SYNDIG1L: variants seen among roughly 807,000 people sequenced by gnomAD.
The protein encoded by SYNDIG1L is synapse differentiation inducing 1 like.
Under a neutral mutation model 20.1 loss-of-function variants are expected in SYNDIG1L, and 13 were observed. That is an observed-to-expected ratio of 0.65 (90% confidence interval 0.42 to 1.03). The LOEUF (loss-of-function observed/expected upper bound fraction) is 1.03. SYNDIG1L is among the 50% of genes least tolerant of loss of function. SYNDIG1L has a pLI of 0.00. For synonymous variants in SYNDIG1L, 128 were observed against 129.3 expected, an observed-to-expected ratio of 0.99 and a Z score of 0.07; for missense variants, 294 against 305.1, an observed-to-expected ratio of 0.96 and a Z score of 0.27.
the SYNDIG1L span, among the ~76,000 whole-genome samples, chr14:74,473,750 G>A: frequency 1.3e-5 from 2 of 152,320 alleles, no homozygotes; most frequent in South Asian, 2.1e-4. Context: ...TGCTCAGTAA[G>A]TATTGGTTGA....
the SYNDIG1L span, among the ~76,000 whole-genome samples, chr14:74,435,082 C>CAAAAAAAAAAAAAAA: frequency 1.8e-5 from 1 of 54,974 alleles, no homozygotes; most frequent in African/African-American, 7.1e-5. Flanking sequence ...GACTCCGTCT[C>CAAAAAAAAAAAAAAA]AAAAAAAAAA....
chr14:74,451,276 G>A, the SYNDIG1L span, among the ~76,000 whole-genome samples: 2 of 152,218 alleles, frequency 1.3e-5, no homozygotes, highest in Non-Finnish European at 2.9e-5. Flanking sequence ...ATGAACAACT[G>A]GTTTTTGACA....
chr14:74,449,218 G>A, the SYNDIG1L span, among the ~76,000 whole-genome samples: 2 of 150,782 alleles, frequency 1.3e-5, no homozygotes, highest in East Asian at 1.9e-4. Context: ...GGGTGACAGA[G>A]CAAGACCCTG....
At chr14:74,430,834 AAC>A (rs969793196), upstream of SYNDIG1L, among the ~76,000 whole-genome samples, 12 of 152,250 alleles carry the variant, frequency 7.9e-5, no homozygotes, top group Middle Eastern at 6.8e-3. Flanking sequence ...ATTGCTGCTC[AAC>A]ACACAGCAAT....
At position 74,408,175 on chromosome 14, in the gene SYNDIG1L, A is replaced by G. The variant is rs561481311; in HGVS notation, c.418-186T>C. ...TACCAAAAGCCTTAACAATGGCACA[A>G]TGATTCCACTTTTAGGAATTTATCA... On this transcript the variant is annotated intron_variant, in intron 2 of 3. Transcript: ENST00000331628. Among the ~76,000 whole-genome samples, 11 of 152,342 alleles carry G rather than the reference A, an allele frequency of 7.2e-5. No individual in the cohort carries two copies. The South Asian group carries it at 1.9e-3, about 26-fold the overall frequency.
chr14:74,439,606 C>T, the SYNDIG1L span, among the ~76,000 whole-genome samples: 2 of 152,114 alleles, frequency 1.3e-5, no homozygotes, highest in South Asian at 2.1e-4. Flanking sequence ...GTAGGCCAGG[C>T]GCAGTGGCTC....
chr14:74,443,447 T>C, the SYNDIG1L span, among the ~76,000 whole-genome samples: 19 of 152,120 alleles, frequency 1.2e-4, no homozygotes, highest in Admixed American at 3.3e-4. Flanking sequence ...GAGGATTCAG[T>C]GAGACTGAGA....
chr14:74,440,906 GT>G, the SYNDIG1L span, among the ~76,000 whole-genome samples: 3 of 152,188 alleles, frequency 2.0e-5, no homozygotes, highest in African/African-American at 7.2e-5. Context: ...TTGGAGATAA[GT>G]CCCCAGTCTG....
At chr14:74,467,217 T>C in the SYNDIG1L span, among the ~76,000 whole-genome samples, 5 of 152,212 alleles carry the variant, frequency 3.3e-5, no homozygotes, top group African/African-American at 4.8e-5. Context: ...TCCTCCCACC[T>C]TGGCCTCCCA....
chr14:74,420,252 C>T (rs796207959), intron 1 of SYNDIG1L, among the ~76,000 whole-genome samples: 2 of 151,968 alleles, frequency 1.3e-5, no homozygotes, highest in African/African-American at 4.8e-5. Flanking sequence ...CAAAATTAAC[C>T]AGGTGTGGTG....
chr14:74,454,072 T>C, the SYNDIG1L span, among the ~76,000 whole-genome samples: 153 of 152,282 alleles, frequency 1.0e-3, 1 homozygote, highest in African/African-American at 3.5e-3. Flanking sequence ...ACAAATTAAG[T>C]AGATTGTCCA....
At chr14:74,453,569 C>T in the SYNDIG1L span, among the ~76,000 whole-genome samples, 5 of 151,916 alleles carry the variant, frequency 3.3e-5, no homozygotes, top group South Asian at 6.3e-4. Flanking sequence ...CTTAGCACAT[C>T]GCACACCTTA....
At chr14:74,422,516 G>A (rs2086230399) in intron 1 of SYNDIG1L, among the ~76,000 whole-genome samples, 1 of 152,012 alleles carries the variant, frequency 6.6e-6, no homozygotes, top group Admixed American at 6.6e-5. Context: ...AGGATGCACA[G>A]ATGAATTGGC....
chr14:74,469,378 G>A, the SYNDIG1L span, among the ~76,000 whole-genome samples: 3 of 117,932 alleles, frequency 2.5e-5, 1 homozygote, highest in Middle Eastern at 0.014. Context: ...CGTGGGGCGG[G>A]GGGAGGGGGG....
the SYNDIG1L span, among the ~76,000 whole-genome samples, chr14:74,450,785 A>G: frequency 2.6e-5 from 4 of 152,214 alleles, no homozygotes; most frequent in Non-Finnish European, 5.9e-5. Context: ...TTGTAATTCA[A>G]TAACAAGAAA....
upstream of SYNDIG1L, among the ~76,000 whole-genome samples, chr14:74,430,465 T>TCAAATCCTG (rs1181408763): frequency 6.6e-6 from 1 of 151,604 alleles, no homozygotes. Context: ...AGACAGAGTC[T>TCAAATCCTG]CACTCTGTCA....
chr14:74,437,281 A>T, the SYNDIG1L span, among the ~76,000 whole-genome samples: 31 of 152,306 alleles, frequency 2.0e-4, no homozygotes, highest in East Asian at 4.8e-3. Flanking sequence ...CTTAGTAGTA[A>T]AGGAAACCAC....
intron 1 of SYNDIG1L, among the ~76,000 whole-genome samples, chr14:74,411,878 G>C (rs745772493): frequency 6.6e-6 from 1 of 152,212 alleles, no homozygotes; most frequent in Non-Finnish European, 1.5e-5. Flanking sequence ...CAGAGAAGGG[G>C]TTGTGGCCCA....
chr14:74,435,776 G>T, the SYNDIG1L span, among the ~76,000 whole-genome samples: 194 of 152,314 alleles, frequency 1.3e-3, 1 homozygote, highest in African/African-American at 4.1e-3. Context: ...AGGGGACTTT[G>T]TGTGAGGCCA....
Sources: allele counts gnomAD v4.1 joint callset (sites outside exome capture counted in the v4.1 genomes callset), GRCh38; gene constraint gnomAD v4.1.1; transcripts MANE v1.5; gene names NCBI Gene and HGNC (gene_info 2026-07-23, HGNC 2026-07-21).